POT1: variants seen among roughly 807,000 people sequenced by gnomAD.
The protein encoded by POT1 is protection of telomeres protein 1.
A neutral mutation model predicts 78.5 loss-of-function variants in POT1; 47 were observed. The observed-to-expected ratio is 0.60, with a 90% CI of 0.47 to 0.76. The LOEUF is 0.76. Ranked by LOEUF, POT1 falls within the 30% of genes least tolerant of loss-of-function variation. The probability of loss-of-function intolerance (pLI) is 0.00; values close to 1 mark genes in which losing one functional copy is unlikely to be tolerated. For missense variants in POT1, 646 were observed against 749.9 expected (o/e 0.86, Z 1.62); for synonymous variants, 259 against 260.7 (o/e 0.99, Z 0.06).
intron 11 of POT1, among the ~76,000 whole-genome samples, chr7:124,849,056 T>C (rs1427378331): frequency 6.6e-6 from 1 of 152,162 alleles, no homozygotes; most frequent in Non-Finnish European, 1.5e-5. Context: ...TAACAGTACA[T>C]TATGTTTTTA....
chr7:124,929,626 A>G (rs1005687619), intron 1 of POT1, 168 bp downstream of exon 1: 1 of 152,106 alleles, frequency 6.6e-6, no homozygotes, highest in Non-Finnish European at 1.5e-5. Context: ...GCTTCTCCCA[A>G]AACACCAAGA....
chr7:124,903,709 C>A (rs529164502), intron 3 of POT1, among the ~76,000 whole-genome samples: 1 of 152,208 alleles, frequency 6.6e-6, no homozygotes, highest in East Asian at 1.9e-4. Flanking sequence ...ACACAAAAAA[C>A]CCTTCAAAAA....
At chr7:124,836,406 T>G (rs1364075960) in intron 14 of POT1, among the ~76,000 whole-genome samples, 1 of 152,148 alleles carries the variant, frequency 6.6e-6, no homozygotes, top group Non-Finnish European at 1.5e-5. Flanking sequence ...AAACTCTCAT[T>G]ATGCATGCTT....
At chr7:124,830,498 T>C (rs1794733861) in intron 15 of POT1, among the ~76,000 whole-genome samples, 1 of 152,080 alleles carries the variant, frequency 6.6e-6, no homozygotes, top group African/African-American at 2.4e-5. Context: ...AAGAATATTA[T>C]TGCCTAAGAA....
rs1794546332 is a variant in POT1, at chr7:124,823,190, A to C, written c.*772T>G. ...CCCTAAACATCTGCTGCATTGCCAC[A>C]CCTATTTCGATTCTTTGCCTCATAT... On this transcript the variant is annotated 3_prime_UTR_variant, in exon 19 of 19. Coordinates refer to ENST00000357628, the MANE Select transcript of POT1 (RefSeq NM_015450.3). 6.6e-6 allele frequency: 1 copy of C among 152,052 alleles called. No homozygotes were observed. Among genetic ancestry groups the C allele is most frequent in the Non-Finnish European group, 1.5e-5 (1 of 67,960 alleles). 9.4% of individuals were successfully genotyped at this position (152,052 alleles called of 1,614,324 possible).
At chr7:124,899,196 G>C (rs1190456099) in intron 3 of POT1, among the ~76,000 whole-genome samples, 1 of 152,204 alleles carries the variant, frequency 6.6e-6, no homozygotes, top group South Asian at 2.1e-4. Flanking sequence ...ATTGGACTGA[G>C]AGCATACTGA....
chr7:124,906,421 T>C (rs568230171), intron 3 of POT1, among the ~76,000 whole-genome samples: 4 of 140,376 alleles, frequency 2.8e-5, no homozygotes, highest in Admixed American at 8.0e-5. Context: ...TTCTCACCCA[T>C]AGGTGGGAAC....
At chr7:124,922,231 A>G (rs1405031444) in intron 2 of POT1, among the ~76,000 whole-genome samples, 1 of 152,104 alleles carries the variant, frequency 6.6e-6, no homozygotes, top group Non-Finnish European at 1.5e-5. Context: ...CAGCTGAAAT[A>G]TATGAAATGG....
At chr7:124,897,571 A>G (rs1194987010) in intron 4 of POT1, among the ~76,000 whole-genome samples, 2 of 151,974 alleles carry the variant, frequency 1.3e-5, no homozygotes, top group Non-Finnish European at 2.9e-5. Context: ...CAGAGCTGAT[A>G]TTCAAAATTT....
At chr7:124,871,504 A>G (rs1282653691) in intron 6 of POT1, among the ~76,000 whole-genome samples, 2 of 152,094 alleles carry the variant, frequency 1.3e-5, no homozygotes, top group Non-Finnish European at 2.9e-5. Flanking sequence ...GATACAGTAA[A>G]TATGTCGTAC....
At chr7:124,859,869 T>C (rs1388704694) in intron 8 of POT1, among the ~76,000 whole-genome samples, 1 of 150,662 alleles carries the variant, frequency 6.6e-6, no homozygotes, top group Non-Finnish European at 1.5e-5. Context: ...ATTAACAGAA[T>C]AGAGAAAAAT....
chr7:124,841,622 A>G (rs1214567708), intron 13 of POT1, among the ~76,000 whole-genome samples: 1 of 151,994 alleles, frequency 6.6e-6, no homozygotes, highest in Non-Finnish European at 1.5e-5. Context: ...ATTCTGTTTA[A>G]TAATTAATAA....
chr7:124,921,852 G>A (rs1797158717), intron 2 of POT1, among the ~76,000 whole-genome samples: 1 of 151,768 alleles, frequency 6.6e-6, no homozygotes, highest in Non-Finnish European at 1.5e-5. Flanking sequence ...AAGAGAAAAG[G>A]GTAATAATGT....
chr7:124,881,602 T>G (rs1193634732), intron 6 of POT1, among the ~76,000 whole-genome samples: 1 of 151,948 alleles, frequency 6.6e-6, no homozygotes, highest in Non-Finnish European at 1.5e-5. Flanking sequence ...ATAGTAACAA[T>G]GCAAACTGCT....
intron 5 of POT1, among the ~76,000 whole-genome samples, chr7:124,894,365 T>C (rs981386048): frequency 6.6e-6 from 1 of 151,518 alleles, no homozygotes; most frequent in Admixed American, 6.6e-5. Context: ...ACACTCAATA[T>C]TCTATCTTAA....
intron 1 of POT1, among the ~76,000 whole-genome samples, chr7:124,929,298 G>A (rs1313905551): frequency 6.6e-6 from 1 of 151,388 alleles, no homozygotes; most frequent in African/African-American, 2.4e-5. Context: ...AAAATTTATT[G>A]GGGAAGAGGG....
At chr7:124,906,426 G>A (rs893027131) in intron 3 of POT1, among the ~76,000 whole-genome samples, 1 of 149,560 alleles carries the variant, frequency 6.7e-6, no homozygotes, top group Admixed American at 6.7e-5. Flanking sequence ...ACCCATAGGT[G>A]GGAACTGAAC....
intron 6 of POT1, among the ~76,000 whole-genome samples, chr7:124,877,413 G>GA (rs962652883): frequency 5.9e-5 from 9 of 151,918 alleles, no homozygotes; most frequent in African/African-American, 2.2e-4. Context: ...CCATAAAACA[G>GA]AAAAAAGCAG....
intron 14 of POT1, among the ~76,000 whole-genome samples, chr7:124,840,291 A>C (rs1238394892): frequency 6.6e-6 from 1 of 151,994 alleles, no homozygotes; most frequent in Non-Finnish European, 1.5e-5. Context: ...AAAAGCCTTC[A>C]GAAAAACAAT....
Sources: gnomAD v4.1 joint callset for allele counts (sites outside exome capture counted in the v4.1 genomes callset) on GRCh38, gnomAD v4.1.1 for gene constraint, MANE v1.5 for transcripts, NCBI Gene and HGNC (gene_info 2026-07-23, HGNC 2026-07-21) for gene names.